The following PRKDC variants were observed in gnomAD, a reference collection of about 807,000 sequenced individuals.
The protein encoded by PRKDC is DNA-dependent protein kinase catalytic subunit.
PRKDC carries 82 observed loss-of-function variants against 486.9 expected under a neutral mutation model. That is an observed-to-expected ratio of 0.17 (90% CI 0.14 to 0.20). The LOEUF (loss-of-function observed/expected upper bound fraction) is 0.20. Ranked by LOEUF, PRKDC falls within the 10% of genes least tolerant of loss-of-function variation. The probability of loss-of-function intolerance (pLI) is 1.00; values close to 1 mark genes in which losing one functional copy is unlikely to be tolerated. For missense variants in PRKDC, 4,504 were observed against 5,038.2 expected, an observed-to-expected ratio of 0.89 and a Z score of 3.21; for synonymous variants, 1,895 against 1,837.0, an observed-to-expected ratio of 1.03 and a Z score of -0.81.
At chr8:47,899,503 C>T (rs1324605231) in intron 28 of PRKDC, among the ~76,000 whole-genome samples, 1 of 152,042 alleles carries the variant, frequency 6.6e-6, no homozygotes, top group Non-Finnish European at 1.5e-5. Flanking sequence ...ATTAGCCAGG[C>T]GTGGTGGCAG....
At chr8:47,902,369 A>G (rs1017976661) in intron 27 of PRKDC, among the ~76,000 whole-genome samples, 200 bp downstream of exon 27, 1 of 152,232 alleles carries the variant, frequency 6.6e-6, no homozygotes, top group African/African-American at 2.4e-5. Context: ...CAGTGTTTAC[A>G]TGCATTTCTC....
At chr8:47,818,915 T>C (rs76516124) in intron 67 of PRKDC, among the ~76,000 whole-genome samples, 3,574 of 152,320 alleles carry the variant, frequency 0.023, 146 homozygotes, top group African/African-American at 0.081. Flanking sequence ...AACCCACTCA[T>C]CAGCGATACA....
At chr8:47,930,040 T>C (rs993237089) in intron 17 of PRKDC, 28 bp from the exon 18 acceptor site, 4 of 1,570,942 alleles carry the variant, frequency 2.5e-6, no homozygotes, top group African/African-American at 2.7e-5. Flanking sequence ...AAATTGAAGG[T>C]AGAAATTTGT....
At position 47,849,452 on chromosome 8, in the gene PRKDC, G is replaced by C; in HGVS notation, c.7057C>G (p.Gln2353Glu). 1 of 1,613,966 alleles carries C rather than the reference G, an allele frequency of 6.2e-7. No individual in the cohort carries two copies. Among genetic ancestry groups the C allele is most frequent in the South Asian group, 1.1e-5 (1 of 91,080 alleles). ...ELVAKQLKQH[Q>E]NTMEDKFIVC... ...ATAAACTTGTCCTCCATAGTATTCT[G>C]ATGTTGCTTCAATTGTTTCGCAACC... Residue 2353 changes from glutamine to glutamate, a missense_variant, in exon 53 of 86, where the codon CAG (glutamine) becomes GAG (glutamate). Coordinates refer to ENST00000314191, the MANE Select transcript of PRKDC (RefSeq NM_006904.7).
At chr8:47,880,400 G>A (rs555126026) in intron 38 of PRKDC, among the ~76,000 whole-genome samples, 14 of 152,294 alleles carry the variant, frequency 9.2e-5, no homozygotes, top group African/African-American at 2.9e-4. Flanking sequence ...GTTGACTCCT[G>A]TTCTCCCTCG....
Position 47,782,824 on chromosome 8 carries a change from T to C in PRKDC, c.11176-226A>G, listed in dbSNP as rs1463637104. On this transcript the variant is annotated intron_variant, in intron 78 of 85. Transcript: ENST00000314191. This position sits in a 1 kb window ranked among gnomAD's most constrained non-coding sequence, Gnocchi z 4.9. Reference sequence around the variant, plus strand: ...GATTATAAATACTTGCTTATGAATGTGGATATCTTTAGCAAGCAGCAACAG... The same window carrying C: ...GATTATAAATACTTGCTTATGAATGCGGATATCTTTAGCAAGCAGCAACAG... The C allele has an allele frequency of 1.7e-6, 1 of 579,136 alleles. No homozygotes were observed. Among genetic ancestry groups the C allele is most frequent in the African/African-American group, 1.9e-5 (1 of 53,606 alleles). The allele number at this position is 579,136 out of a possible 1,614,324, so 35.9% of individuals were successfully genotyped here.
intron 68 of PRKDC, among the ~76,000 whole-genome samples, chr8:47,812,104 T>C (rs1304214681): frequency 6.6e-6 from 1 of 152,244 alleles, no homozygotes; most frequent in Admixed American, 6.5e-5. Flanking sequence ...GTTATCCATA[T>C]GTATGTACCT....
At chr8:47,947,626 G>C (rs1427749662) in intron 7 of PRKDC, among the ~76,000 whole-genome samples, 1 of 152,136 alleles carries the variant, frequency 6.6e-6, no homozygotes, top group Non-Finnish European at 1.5e-5. Flanking sequence ...AAATTAGTTG[G>C]GGCCGGGTAC....
intron 50 of PRKDC, among the ~76,000 whole-genome samples, chr8:47,854,574 T>C (rs1030984239): frequency 6.6e-6 from 1 of 151,950 alleles, no homozygotes; most frequent in Non-Finnish European, 1.5e-5. Context: ...TCTCCTGACC[T>C]CGTAATCCGC....
chr8:47,884,088 T>C (rs889599240), intron 36 of PRKDC, among the ~76,000 whole-genome samples: 2 of 152,274 alleles, frequency 1.3e-5, no homozygotes, highest in African/African-American at 2.4e-5. Flanking sequence ...GTCTAGAATT[T>C]AGGTAGGTTA....
chr8:47,881,366 C>A (rs774279752), intron 38 of PRKDC, 50 bp downstream of exon 38: 2 of 1,103,328 alleles, frequency 1.8e-6, no homozygotes, highest in South Asian at 1.5e-5. Context: ...ATAAAAAATA[C>A]GAAAACAGAA....
At chr8:47,786,445 C>T (rs1191323816) in intron 76 of PRKDC, among the ~76,000 whole-genome samples, 1 of 152,020 alleles carries the variant, frequency 6.6e-6, no homozygotes, top group Admixed American at 6.6e-5. Context: ...TTAGTAGTGA[C>T]TTTTAGTTAT....
chr8:47,939,751 A>C, intron 10 of PRKDC, 54 bp from the exon 11 acceptor site: 1 of 1,392,206 alleles, frequency 7.2e-7, no homozygotes, highest in South Asian at 1.4e-5. Flanking sequence ...AATGGAATCT[A>C]TACAAACATG....
Position 47,828,188 on chromosome 8 carries a change from G to T in PRKDC, c.8557C>A (p.Pro2853Thr). The T allele has an allele frequency of 6.2e-7, 1 of 1,613,670 alleles. No homozygotes were observed. The highest frequency in any genetic ancestry group is 1.1e-5 in the South Asian group (1 of 91,024). ...TTTACCTGAATACAAGAGACAAAGG[G>T]TGGAAAGAAAGAGAAGGTGGTATTA... The part of the protein sequence containing the change: ...FLNTTFSFFP[P>T]FVSCIQDISC... Residue 2853 changes from proline to threonine, a missense_variant, in exon 62 of 86, where the codon CCC becomes ACC. Around this residue, in one of 6 missense-constraint regions of PRKDC, gnomAD observed 1,592 missense variants for 1,724.6 expected, o/e 0.92. Coordinates refer to ENST00000314191, the MANE Select transcript of PRKDC (RefSeq NM_006904.7).
intron 7 of PRKDC, among the ~76,000 whole-genome samples, chr8:47,946,320 A>G (rs1392331754): frequency 1.3e-5 from 2 of 152,070 alleles, no homozygotes; most frequent in Non-Finnish European, 2.9e-5. Flanking sequence ...CTGCCTCAAA[A>G]AAAAACCCCT....
intron 80 of PRKDC, among the ~76,000 whole-genome samples, chr8:47,781,940 T>C (rs114454642): frequency 3.2e-4 from 48 of 152,374 alleles, no homozygotes; most frequent in African/African-American, 1.1e-3. Flanking sequence ...CCTTCAACAA[T>C]TTTTCTTCCC....
At position 47,858,881 on chromosome 8, in the gene PRKDC, G is replaced by C; in HGVS notation, c.6313C>G (p.His2105Asp). ...APLTALVKHM[H>D]RSLGPPQGEE... is the part of the protein sequence containing the mutation. ...CCTTGAGGCGGGCCCAGGCTTCTGTGCATGTGCTTGACCAGGGCCGTCAGG... is the reference window on the plus strand; with the variant it reads ...CCTTGAGGCGGGCCCAGGCTTCTGTCCATGTGCTTGACCAGGGCCGTCAGG... The change falls in exon 47 of 86, where the codon CAC becomes GAC. Residue 2105 changes from histidine (H) to aspartate (D), a missense_variant. By Grantham distance (81) the His-to-Asp change is moderately conservative. This residue lies in a region of PRKDC where 1,592 missense variants were observed against 1,724.6 expected (regional missense o/e 0.92). Coordinates refer to ENST00000314191, the MANE Select transcript of PRKDC (RefSeq NM_006904.7). 2 of 1,613,860 alleles carry C rather than the reference G, an allele frequency of 1.2e-6. No individual in the cohort carries two copies. The highest frequency in any genetic ancestry group is 1.7e-6 in the Non-Finnish European group (2 of 1,179,870).
intron 32 of PRKDC, among the ~76,000 whole-genome samples, chr8:47,889,744 T>C (rs1322394149): frequency 6.6e-6 from 1 of 152,254 alleles, no homozygotes; most frequent in East Asian, 1.9e-4. Context: ...TATTTTATAT[T>C]TTATTCACAC....
intron 13 of PRKDC, among the ~76,000 whole-genome samples, chr8:47,935,511 GA>G (rs532399097): frequency 5.3e-5 from 8 of 150,530 alleles, no homozygotes; most frequent in Admixed American, 4.6e-4. Context: ...CAAAAAAAAT[GA>G]AAAAAAACTA....
Sources: gnomAD v4.1 joint callset for allele counts (sites outside exome capture counted in the v4.1 genomes callset) on GRCh38, gnomAD v4.1.1 for gene constraint, gnomAD v4.1.1 regional missense constraint, Gnocchi (gnomAD v3.1) non-coding constraint, MANE v1.5 for transcripts, NCBI Gene and HGNC (gene_info 2026-07-23, HGNC 2026-07-21) for gene names.